Variants in DPP6 observed in about 807,000 individuals in gnomAD.
DPP6 encodes A-type potassium channel modulatory protein DPP6.
DPP6 carries 69 observed loss-of-function variants against 122.6 expected under a neutral mutation model. That is an observed-to-expected ratio of 0.56 (90% CI 0.46 to 0.69). The LOEUF (loss-of-function observed/expected upper bound fraction) is 0.69, where lower values mean the gene tolerates loss of function less well. Among genes scored for constraint, DPP6 ranks in the 30% least tolerant of loss-of-function variants. The pLI is 0.00. For synonymous variants in DPP6, 418 were observed against 433.1 expected (o/e 0.97, Z 0.43); for missense variants, 928 against 1,116.9 (o/e 0.83, Z 2.41).
At chr7:154,461,261 C>T (rs1182200859) in intron 2 of DPP6, among the ~76,000 whole-genome samples, 1 of 152,160 alleles carries the variant, frequency 6.6e-6, no homozygotes, top group African/African-American at 2.4e-5. Context: ...TTTATCCATT[C>T]ATCTGTTGAT....
intron 1 of DPP6, among the ~76,000 whole-genome samples, chr7:154,009,921 T>C (rs1444695361): frequency 2.6e-5 from 4 of 152,160 alleles, no homozygotes; most frequent in African/African-American, 9.7e-5. Context: ...ATCCAACTTA[T>C]GTATCTTACA....
chr7:153,859,326 C>G, the DPP6 span, among the ~76,000 whole-genome samples: 3 of 152,186 alleles, frequency 2.0e-5, no homozygotes, highest in East Asian at 5.8e-4. Flanking sequence ...TCAAGACACA[C>G]ATTCTAACTT....
intron 2 of DPP6, among the ~76,000 whole-genome samples, chr7:154,459,750 G>A (rs1821113573): frequency 7.2e-6 from 1 of 138,434 alleles, no homozygotes; most frequent in African/African-American, 2.8e-5. Flanking sequence ...CCGGGAGGCT[G>A]AGCCGAGATC....
At chr7:154,214,117 A>C (rs971750367) in intron 1 of DPP6, among the ~76,000 whole-genome samples, 5 of 152,234 alleles carry the variant, frequency 3.3e-5, no homozygotes, top group African/African-American at 1.2e-4. Context: ...AATGAGGAGC[A>C]AAGTCGCTGT....
the DPP6 span, among the ~76,000 whole-genome samples, chr7:153,770,572 T>C: frequency 6.6e-6 from 1 of 152,170 alleles, no homozygotes; most frequent in African/African-American, 2.4e-5. Flanking sequence ...CAAAACTGTT[T>C]ACCTCACTCT....
intron 8 of DPP6, among the ~76,000 whole-genome samples, chr7:154,746,425 G>T (rs909031302): frequency 1.3e-5 from 2 of 152,148 alleles, no homozygotes; most frequent in African/African-American, 4.8e-5. Context: ...GTGGGGACTT[G>T]TTGACAAAGT....
intron 1 of DPP6, among the ~76,000 whole-genome samples, chr7:154,010,497 T>C (rs539008099): frequency 0.01 from 1,524 of 152,376 alleles, 13 homozygotes; most frequent in Non-Finnish European, 0.016. Flanking sequence ...CTGCTTCAAA[T>C]GCTTTCTCAT....
chr7:154,689,540 A>G (rs1839819806), intron 7 of DPP6, among the ~76,000 whole-genome samples: 2 of 151,864 alleles, frequency 1.3e-5, no homozygotes, highest in Admixed American at 1.3e-4. Flanking sequence ...GTACTTTTTA[A>G]TATATACCTA....
Position 154,112,579 on chromosome 7 carries a change from A to T in DPP6, c.243+59516A>T, listed in dbSNP as rs1326665254. Among the ~76,000 whole-genome samples, 5 of 151,992 alleles carry T rather than the reference A, an allele frequency of 3.3e-5. No homozygotes were observed. In the South Asian group the frequency reaches 6.3e-4, roughly 19 times the overall value. ...AGACTTGCTTGAATCCAGGAGGCAG[A>T]GGTTGCAGTGAACTGAGATTATGCT... On this transcript the variant is annotated intron_variant, in intron 1 of 25. Transcript: ENST00000377770.
At chr7:154,786,787 T>C (rs1797365265) in intron 10 of DPP6, among the ~76,000 whole-genome samples, 1 of 152,240 alleles carries the variant, frequency 6.6e-6, no homozygotes, top group African/African-American at 2.4e-5. Flanking sequence ...AATATATCTA[T>C]GTGTGTGTTT....
intron 1 of DPP6, among the ~76,000 whole-genome samples, chr7:153,920,478 T>G (rs1475008072): frequency 6.6e-6 from 1 of 151,924 alleles, no homozygotes; most frequent in Non-Finnish European, 1.5e-5. Flanking sequence ...GAGGTACTGT[T>G]CCAGAATGGG....
chr7:153,929,064 G>A (rs182331831), intron 1 of DPP6, among the ~76,000 whole-genome samples: 48 of 152,174 alleles, frequency 3.2e-4, no homozygotes, highest in Non-Finnish European at 4.8e-4. Context: ...GAGAGATGAC[G>A]TGACTGGAAG....
chr7:153,782,594 C>A, the DPP6 span, among the ~76,000 whole-genome samples: 1 of 152,080 alleles, frequency 6.6e-6, no homozygotes, highest in African/African-American at 2.4e-5. Flanking sequence ...CAAAATAGTT[C>A]TAAATGATAG....
At chr7:154,317,529 C>G (rs149916751) in intron 1 of DPP6, among the ~76,000 whole-genome samples, 1 of 152,160 alleles carries the variant, frequency 6.6e-6, no homozygotes, top group African/African-American at 2.4e-5. Context: ...GTAGATACTT[C>G]TTTCACCTAG....
intron 1 of DPP6, among the ~76,000 whole-genome samples, chr7:154,197,257 C>G (rs762966177): frequency 6.6e-6 from 1 of 151,664 alleles, no homozygotes; most frequent in African/African-American, 2.4e-5. Flanking sequence ...GCTCTAAATA[C>G]AGAGAGTGAT....
At chr7:154,505,758 T>C (rs1365713671) in intron 3 of DPP6, among the ~76,000 whole-genome samples, 2 of 152,196 alleles carry the variant, frequency 1.3e-5, no homozygotes, top group African/African-American at 2.4e-5. Context: ...TTTATGGCCA[T>C]TGGTGTTGAC....
At chr7:153,827,502 A>G in the DPP6 span, among the ~76,000 whole-genome samples, 1 of 152,180 alleles carries the variant, frequency 6.6e-6, no homozygotes, top group Non-Finnish European at 1.5e-5. Flanking sequence ...CCAGGGGTGA[A>G]TTCCTTGGGT....
chr7:154,163,760 G>A (rs1338195474), intron 1 of DPP6, among the ~76,000 whole-genome samples: 2 of 152,158 alleles, frequency 1.3e-5, no homozygotes, highest in African/African-American at 2.4e-5. Flanking sequence ...TCTGGAGAAG[G>A]TTCCAGGATC....
At position 154,483,947 on chromosome 7, in the gene DPP6, C is replaced by A. The variant is rs1823562913; in HGVS notation, c.457+8910C>A. Among the ~76,000 whole-genome samples, 1 of 152,170 alleles carries A rather than the reference C, an allele frequency of 6.6e-6. No individual in the cohort carries two copies. Among genetic ancestry groups the A allele is most frequent in the East Asian group, 1.9e-4 (1 of 5,192 alleles). ...TGACCTCGTGATCTGCCCGCCTCAG[C>A]CTCCCAAAGTGTTGGGATTACAGAT... On this transcript the variant is annotated intron_variant, in intron 3 of 25. Transcript: ENST00000377770. This position sits in a 1 kb window ranked among gnomAD's most constrained non-coding sequence, Gnocchi z 8.1.
Sources: allele counts gnomAD v4.1 joint callset (sites outside exome capture counted in the v4.1 genomes callset), GRCh38; gene constraint gnomAD v4.1.1; non-coding constraint Gnocchi (gnomAD v3.1); transcripts MANE v1.5; gene names NCBI Gene and HGNC (gene_info 2026-07-23, HGNC 2026-07-21).